ATP2B2: variants seen among roughly 807,000 people sequenced by gnomAD.
ATP2B2 encodes plasma membrane calcium-transporting ATPase 2.
In ATP2B2, 15 loss-of-function variants were observed where a neutral mutation model predicts 120.0. The ratio of observed to expected loss-of-function variants is 0.12; its 90% CI spans 0.08 to 0.19. The LOEUF is 0.19. Ranked by LOEUF, ATP2B2 falls within the 10% of genes least tolerant of loss-of-function variation. The pLI is 1.00. For synonymous variants in ATP2B2, 694 were observed against 700.3 expected (o/e 0.99, Z 0.14); for missense variants, 1,045 against 1,719.8 (o/e 0.61, Z 6.94).
At chr3:10,484,486 G>A (rs1459001861) in intron 1 of ATP2B2, among the ~76,000 whole-genome samples, 1 of 152,094 alleles carries the variant, frequency 6.6e-6, no homozygotes, top group East Asian at 1.9e-4. Flanking sequence ...GGGTCTCTGT[G>A]GCATTTTGAG....
intron 1 of ATP2B2, among the ~76,000 whole-genome samples, chr3:10,639,763 G>A (rs889698715): frequency 2.0e-5 from 3 of 152,140 alleles, no homozygotes; most frequent in Admixed American, 2.0e-4. Flanking sequence ...CATGGCAGAG[G>A]CCTCAAATCA....
At chr3:10,353,155 G>C (rs528965550) in intron 14 of ATP2B2, among the ~76,000 whole-genome samples, 3 of 152,328 alleles carry the variant, frequency 2.0e-5, no homozygotes, top group African/African-American at 7.2e-5. Flanking sequence ...TACTCTGTTT[G>C]GAGGCAGGGT....
At chr3:10,382,513 A>ATTTTTTT (rs35821909) in intron 8 of ATP2B2, among the ~76,000 whole-genome samples, 1 of 141,268 alleles carries the variant, frequency 7.1e-6, no homozygotes. Context: ...TGACCGGCTA[A>ATTTTTTT]TTTTTTTTTT....
chr3:10,540,104 A>G (rs1026322548), intron 2 of ATP2B2, among the ~76,000 whole-genome samples: 1 of 152,256 alleles, frequency 6.6e-6, no homozygotes, highest in Non-Finnish European at 1.5e-5. Flanking sequence ...TGCAGCCAAC[A>G]GACACATGAA....
intron 1 of ATP2B2, among the ~76,000 whole-genome samples, chr3:10,659,556 A>G (rs2125677562): frequency 6.6e-6 from 1 of 152,328 alleles, no homozygotes; most frequent in South Asian, 2.1e-4. Flanking sequence ...TATCCTAAAT[A>G]TATATGCACC....
chr3:10,483,037 G>A (rs1274574936), intron 1 of ATP2B2, among the ~76,000 whole-genome samples: 1 of 152,194 alleles, frequency 6.6e-6, no homozygotes, highest in Non-Finnish European at 1.5e-5. Flanking sequence ...CTTACCCAAC[G>A]TGACACAGCT....
intron 22 of ATP2B2, among the ~76,000 whole-genome samples, chr3:10,332,504 TC>T (rs2060008402): frequency 1.3e-5 from 2 of 152,330 alleles, no homozygotes; most frequent in Admixed American, 1.3e-4. Context: ...GCTAATCTTG[TC>T]CTTGACCACC....
At chr3:10,486,657 C>T (rs1419665177) in intron 1 of ATP2B2, among the ~76,000 whole-genome samples, 4 of 152,172 alleles carry the variant, frequency 2.6e-5, no homozygotes, top group South Asian at 2.1e-4. Flanking sequence ...TGGCAGGGAG[C>T]CCCTTCGATT....
intron 2 of ATP2B2, among the ~76,000 whole-genome samples, chr3:10,424,228 C>A (rs552143200): frequency 6.6e-6 from 1 of 152,130 alleles, no homozygotes; most frequent in Non-Finnish European, 1.5e-5. Context: ...TACGGACAGA[C>A]GGACTGAGGC....
chr3:10,453,251 T>A (rs2064129030), intron 1 of ATP2B2, among the ~76,000 whole-genome samples: 1 of 152,238 alleles, frequency 6.6e-6, no homozygotes, highest in Non-Finnish European at 1.5e-5. Flanking sequence ...CAGAGGGGAA[T>A]AGGAGTATCT....
At chr3:10,557,374 C>T (rs763769547) in intron 2 of ATP2B2, among the ~76,000 whole-genome samples, 16 of 152,246 alleles carry the variant, frequency 1.1e-4, no homozygotes, top group Admixed American at 6.5e-4. Context: ...GGTCTCTCAC[C>T]GCCTTTGCGG....
intron 2 of ATP2B2, among the ~76,000 whole-genome samples, chr3:10,572,038 T>A (rs2068140000): frequency 6.6e-6 from 1 of 152,172 alleles, no homozygotes; most frequent in African/African-American, 2.4e-5. Flanking sequence ...GTGTGCCAAG[T>A]TGGAATCTAG....
At chr3:10,682,627 T>C (rs55777718) in intron 1 of ATP2B2, among the ~76,000 whole-genome samples, 8,978 of 152,264 alleles carry the variant, frequency 0.059, 355 homozygotes, top group Non-Finnish European at 0.088. Context: ...AGGGGTACGT[T>C]TCCTGTGGAC....
intron 1 of ATP2B2, among the ~76,000 whole-genome samples, chr3:10,464,095 G>A (rs1280474212): frequency 6.6e-6 from 1 of 152,202 alleles, no homozygotes; most frequent in Non-Finnish European, 1.5e-5. Flanking sequence ...ACCATGGGGG[G>A]GCCTGACTAG....
chr3:10,520,099 T>G (rs2066953650), intron 3 of ATP2B2, among the ~76,000 whole-genome samples: 1 of 152,240 alleles, frequency 6.6e-6, no homozygotes, highest in East Asian at 1.9e-4. Flanking sequence ...GATAAAACTC[T>G]ATTCCCAACC....
At chr3:10,673,536 A>G (rs1487410306) in intron 1 of ATP2B2, among the ~76,000 whole-genome samples, 3 of 151,992 alleles carry the variant, frequency 2.0e-5, no homozygotes, top group Non-Finnish European at 4.4e-5. Flanking sequence ...ATGGTGGTGC[A>G]CACCTGTAAT....
intron 22 of ATP2B2, among the ~76,000 whole-genome samples, chr3:10,335,058 GAA>G (rs893892205): frequency 2.0e-5 from 3 of 152,200 alleles, no homozygotes; most frequent in African/African-American, 7.2e-5. Context: ...ATGGGTCCGG[GAA>G]AGAGCTAGAC....
At chr3:10,334,186 C>T (rs545564689) in intron 22 of ATP2B2, among the ~76,000 whole-genome samples, 3 of 152,318 alleles carry the variant, frequency 2.0e-5, no homozygotes, top group East Asian at 3.9e-4. Flanking sequence ...TGTGCTCCGT[C>T]GTGGCCAGGG....
rs1045932083 is a variant in ATP2B2 at position 10,326,571 on chromosome 3, C to T, written c.*2243G>A. 50 of 397,624 alleles carry T rather than the reference C, an allele frequency of 1.3e-4. No individual in the cohort carries two copies. The highest frequency in any genetic ancestry group is 8.9e-6 in the Non-Finnish European group (2 of 225,894). 24.6% of individuals were successfully genotyped at this position (397,624 alleles called of 1,614,324 possible). A position where few individuals can be genotyped will look rare whatever the true frequency, so the allele number is the denominator to read the frequency against. On this transcript the variant is annotated 3_prime_UTR_variant, in exon 23 of 23. Coordinates refer to ENST00000360273, the MANE Select transcript of ATP2B2 (RefSeq NM_001001331.4). Reference sequence around the variant, plus strand: ...TGTTCCAAGGCTGCCCCATGTTTTACACGTGCAGATCTTTCCTTCCTTGTA... The same window carrying T: ...TGTTCCAAGGCTGCCCCATGTTTTATACGTGCAGATCTTTCCTTCCTTGTA...
Sources: gnomAD v4.1 joint callset for allele counts (sites outside exome capture counted in the v4.1 genomes callset) on GRCh38, gnomAD v4.1.1 for gene constraint, MANE v1.5 for transcripts, NCBI Gene and HGNC (gene_info 2026-07-23, HGNC 2026-07-21) for gene names.